Variants in OR51G1 observed in about 807,000 individuals in gnomAD.
OR51G1 encodes olfactory receptor 51G1.
For missense variants in OR51G1, 454 were observed against 396.0 expected (o/e 1.15, Z -1.24); for synonymous variants, 163 against 156.9 (o/e 1.04, Z -0.29).
Position 4,923,703 on chromosome 11 carries a change from A to G in OR51G1, c.637T>C (p.Ser213Pro), listed in dbSNP as rs542202432. 4 of 1,614,066 alleles carry G rather than the reference A, an allele frequency of 2.5e-6. No homozygotes were observed. In the South Asian group the frequency reaches 4.4e-5, roughly 18 times the overall value. Reference sequence around the variant, plus strand: ...GCGTATGAGAGAAAGATGAGCAGGGAGTCCACACCCACGGTGCAGGCCACA... The same window carrying G: ...GCGTATGAGAGAAAGATGAGCAGGGGGTCCACACCCACGGTGCAGGCCACA... ...FVVACTVGVD[S>P]LLIFLSYALI... The change falls in exon 1 of 1, where the codon TCC becomes CCC. Residue 213 changes from serine to proline, a missense_variant. Coordinates refer to ENST00000623849, the MANE Select transcript of OR51G1 (RefSeq NM_001005237.1).
At position 4,924,044 on chromosome 11, in the gene OR51G1, C is replaced by T. The variant is rs1187706046; in HGVS notation, c.296G>A (p.Cys99Tyr). The change falls in exon 1 of 1, where the codon TGT becomes TAT. Residue 99 changes from cysteine (C) to tyrosine (Y), a missense_variant. By Grantham distance (194) the Cys-to-Tyr change is radical. Transcript: ENST00000623849. The stretch of plus-strand genomic sequence containing the variant: ...GTGGATGAAGAAGAGCTGAGTGAAA[C>T]AGGCAGGGATGCCAATCTCTCTGGT... The part of the protein sequence containing the change: ...FDTREIGIPA[C>Y]FTQLFFIHTL... 1 of 1,614,118 alleles carries T rather than the reference C, an allele frequency of 6.2e-7. No individual in the cohort carries two copies. The highest frequency in any genetic ancestry group is 2.2e-5 in the East Asian group (1 of 44,842).
chr11:4,923,509 G>A lies in OR51G1; in HGVS notation c.831C>T (p.Phe277=). The A allele has an allele frequency of 6.2e-7, 1 of 1,614,166 alleles. No homozygotes were observed. Among genetic ancestry groups the A allele is most frequent in the Non-Finnish European group, 8.5e-7 (1 of 1,180,024 alleles). ...GTACCAGCAGATACACATAGGACAT[G>A]AAGAGGTGTACAACGCGGGGCAGAT... is the stretch of plus-strand genomic sequence containing the variant. ...GEHLPRVVHL[F]MSYVYLLVPP... is the part of the protein sequence containing the mutation. Residue 277 remains phenylalanine (F), a synonymous_variant, in exon 1 of 1, where the codon TTC becomes TTT. Coordinates refer to ENST00000623849, the MANE Select transcript of OR51G1 (RefSeq NM_001005237.1).
rs1044305335 is a variant in OR51G1 at position 4,924,262 on chromosome 11, A to G, written c.78T>C (p.His26=). 1 of 1,614,076 alleles carries G rather than the reference A, an allele frequency of 6.2e-7. No homozygotes were observed. Among genetic ancestry groups the G allele is most frequent in the Non-Finnish European group, 8.5e-7 (1 of 1,180,036 alleles). The change falls in exon 1 of 1, where the codon CAT becomes CAC. Residue 26 remains histidine, a synonymous_variant. Coordinates refer to ENST00000623849, the MANE Select transcript of OR51G1 (RefSeq NM_001005237.1). The part of the protein sequence containing the change: ...LTGFQGLEGL[H]GWISIPFCFI... ...AGCAGAAGGGAATAGAGATCCAGCCATGGAGACCTTCTAGACCTTGGAAGC... is the reference window on the plus strand; with the variant it reads ...AGCAGAAGGGAATAGAGATCCAGCCGTGGAGACCTTCTAGACCTTGGAAGC...
chr11:4,923,930 A>G lies in OR51G1; in HGVS notation c.410T>C (p.Val137Ala). The G allele has an allele frequency of 6.2e-7, 1 of 1,614,162 alleles. No individual in the cohort carries two copies. ...AVCNPLHDST[V>A]LTPACIVKMG... ...CTTGACAATACATGCAGGTGTCAGG[A>G]CGGTGGAGTCATGCAGTGGGTTGCA... The change falls in exon 1 of 1, where the codon GTC (valine) becomes GCC (alanine). Residue 137 changes from valine (V) to alanine (A), a missense_variant. Physicochemically the swap from Val to Ala is moderately conservative, Grantham distance 64. Coordinates refer to ENST00000623849, the MANE Select transcript of OR51G1 (RefSeq NM_001005237.1).
Position 4,923,495 on chromosome 11 carries a change from T to C in OR51G1, c.845A>G (p.Tyr282Cys), listed in dbSNP as rs775309472. The C allele has an allele frequency of 2.5e-6, 4 of 1,613,980 alleles. No individual in the cohort carries two copies. Among genetic ancestry groups the C allele is most frequent in the Admixed American group, 3.3e-5 (2 of 60,000 alleles). ...RVVHLFMSYV[Y>C]LLVPPLMNPI... is the part of the protein sequence containing the mutation. ...GTTCATAAGGGGTGGTACCAGCAGA[T>C]ACACATAGGACATGAAGAGGTGTAC... Residue 282 changes from tyrosine to cysteine, a missense_variant, in exon 1 of 1, where the codon TAT becomes TGT. Tyr to Cys is a radical substitution (Grantham distance 194, BLOSUM62 -2). Transcript: ENST00000623849.
In OR51G1 at chr11:4,923,846, A is replaced by G; in HGVS notation, c.494T>C (p.Leu165Pro). 6.2e-7 allele frequency: 1 copy of G among 1,614,054 alleles called. No homozygotes were observed. Among genetic ancestry groups the G allele is most frequent in the Non-Finnish European group, 8.5e-7 (1 of 1,180,020 alleles). Residue 165 changes from leucine to proline, a missense_variant, in exon 1 of 1, where the codon CTG (leucine) becomes CCG (proline). Leu to Pro is a moderately conservative substitution (Grantham distance 98). Transcript: ENST00000623849. ...GGAGTGGCAGTATTGGAAGCGCTTC[A>G]GGAGGAATGGCAAGGGGAGGATGAG... ...ALLILPLPFL[L>P]KRFQYCHSHV...
Position 4,923,401 on chromosome 11 carries a change from C to G in OR51G1, c.939G>C (p.Lys313Asn), listed in dbSNP as rs773528289. 1.9e-6 allele frequency: 3 copies of G among 1,569,054 alleles called. No individual in the cohort carries two copies. In the Admixed American group the frequency reaches 5.4e-5, roughly 28 times the overall value. The change falls in exon 1 of 1, where the codon AAG (lysine) becomes AAC (asparagine). Residue 313 changes from lysine to asparagine, a missense_variant. Lys to Asn is a moderately conservative substitution (Grantham distance 94, BLOSUM62 0). Transcript: ENST00000623849. ...QRIIKKFQFI[K>N]SLRCFWKD ...AATCCTTCCAAAAACACCTAAGTGACTTTATAAACTGAAACTTCTTAATGA... is the reference window on the plus strand; with the variant it reads ...AATCCTTCCAAAAACACCTAAGTGAGTTTATAAACTGAAACTTCTTAATGA...
At position 4,923,989 on chromosome 11, in the gene OR51G1, C is replaced by T. The variant is rs1476370416; in HGVS notation, c.351G>A (p.Leu117=). 6.2e-7 allele frequency: 1 copy of T among 1,614,132 alleles called. No homozygotes were observed. Among genetic ancestry groups the T allele is most frequent in the African/African-American group, 1.3e-5 (1 of 75,030 alleles). Residue 117 remains leucine (L), a synonymous_variant, in exon 1 of 1, where the codon CTG becomes CTA. Transcript: ENST00000623849. ...HTLSSMESSV[L]LSMSIDRYVA... ...CGTAGCGGTCAATGGACATGGATAA[C>T]AGAACTGATGACTCCATTGAAGACA...
In OR51G1 at chr11:4,923,836, G is replaced by C; in HGVS notation, c.504C>G (p.Phe168Leu). The part of the protein sequence containing the change: ...ILPLPFLLKR[F>L]QYCHSHVLAH... ...CCAGCACATGGGAGTGGCAGTATTG[G>C]AAGCGCTTCAGGAGGAATGGCAAGG... The change falls in exon 1 of 1, where the codon TTC (phenylalanine) becomes TTG (leucine). Residue 168 changes from phenylalanine to leucine, a missense_variant. Coordinates refer to ENST00000623849, the MANE Select transcript of OR51G1 (RefSeq NM_001005237.1). 6.2e-7 allele frequency: 1 copy of C among 1,613,970 alleles called. No individual in the cohort carries two copies. Among genetic ancestry groups the C allele is most frequent in the Non-Finnish European group, 8.5e-7 (1 of 1,180,010 alleles).
chr11:4,923,714 A>C lies in OR51G1; in HGVS notation c.626T>G (p.Val209Gly). 1 of 1,614,072 alleles carries C rather than the reference A, an allele frequency of 6.2e-7. No homozygotes were observed. The highest frequency in any genetic ancestry group is 1.1e-5 in the South Asian group (1 of 91,060). Residue 209 changes from valine (V) to glycine (G), a missense_variant, in exon 1 of 1, where the codon GTG becomes GGG. Val to Gly is a moderately radical substitution (Grantham distance 109). Coordinates refer to ENST00000623849, the MANE Select transcript of OR51G1 (RefSeq NM_001005237.1). The part of the protein sequence containing the change: ...IYGLFVVACT[V>G]GVDSLLIFLS... ...AAAGATGAGCAGGGAGTCCACACCC[A>C]CGGTGCAGGCCACAACAAAGAGCCC...
At position 4,923,539 on chromosome 11, in the gene OR51G1, A is replaced by G; in HGVS notation, c.801T>C (p.Gly267=). ...GGTGTACAACGCGGGGCAGATGTTC[A>G]CCAAAGCGATGCACAAGAGACAAGC... ...MIGLSLVHRF[G]EHLPRVVHLF... The change falls in exon 1 of 1, where the codon GGT becomes GGC. Residue 267 remains glycine (G), a synonymous_variant. Transcript: ENST00000623849. 6.2e-7 allele frequency: 1 copy of G among 1,614,152 alleles called. No individual in the cohort carries two copies. Among genetic ancestry groups the G allele is most frequent in the Non-Finnish European group, 8.5e-7 (1 of 1,180,018 alleles).
In OR51G1 at chr11:4,923,938, G is replaced by A; in HGVS notation, c.402C>T (p.Asp134=). The change falls in exon 1 of 1, where the codon GAC becomes GAT. Residue 134 remains aspartate, a synonymous_variant. Transcript: ENST00000623849. ...TACATGCAGGTGTCAGGACGGTGGA[G>A]TCATGCAGTGGGTTGCAGACGGCCA... The part of the protein sequence containing the change: ...RYVAVCNPLH[D]STVLTPACIV... 6.2e-7 allele frequency: 1 copy of A among 1,614,182 alleles called. No homozygotes were observed.
In OR51G1 at chr11:4,924,263, T is replaced by A; in HGVS notation, c.77A>T (p.His26Leu). Reference sequence around the variant, plus strand: ...GCAGAAGGGAATAGAGATCCAGCCATGGAGACCTTCTAGACCTTGGAAGCC... The same window carrying A: ...GCAGAAGGGAATAGAGATCCAGCCAAGGAGACCTTCTAGACCTTGGAAGCC... ...LTGFQGLEGL[H>L]GWISIPFCFI... is the part of the protein sequence containing the mutation. Residue 26 changes from histidine (H) to leucine (L), a missense_variant, in exon 1 of 1, where the codon CAT (histidine) becomes CTT (leucine). Coordinates refer to ENST00000623849, the MANE Select transcript of OR51G1 (RefSeq NM_001005237.1). 6.2e-7 allele frequency: 1 copy of A among 1,614,168 alleles called. No individual in the cohort carries two copies.
At position 4,924,335 on chromosome 11, in the gene OR51G1, G is replaced by T. The variant is rs1318479625; in HGVS notation, c.5C>A (p.Thr2Lys). The change falls in exon 1 of 1, where the codon ACA (threonine) becomes AAA (lysine). Residue 2 changes from threonine (T) to lysine (K), a missense_variant. By Grantham distance (78) the Thr-to-Lys change is moderately conservative (BLOSUM62 -1). Coordinates refer to ENST00000623849, the MANE Select transcript of OR51G1 (RefSeq NM_001005237.1). ...TTGGAGGCTGCTATTAAGAAGAATTGTCATAGCTTTACAATCTTGGACTCA... is the reference window on the plus strand; with the variant it reads ...TTGGAGGCTGCTATTAAGAAGAATTTTCATAGCTTTACAATCTTGGACTCA... M[T>K]ILLNSSLQRA... The T allele has an allele frequency of 6.3e-7, 1 of 1,599,434 alleles. No homozygotes were observed. The highest frequency in any genetic ancestry group is 8.5e-7 in the Non-Finnish European group (1 of 1,174,618).
Position 4,923,468 on chromosome 11 carries a change from G to A in OR51G1, c.872C>T (p.Pro291Leu), listed in dbSNP as rs552022062. Reference sequence around the variant, plus strand: ...CTTGGTCTTGATGCTGTAGATGATGGGGTTCATAAGGGGTGGTACCAGCAG... The same window carrying A: ...CTTGGTCTTGATGCTGTAGATGATGAGGTTCATAAGGGGTGGTACCAGCAG... ...VYLLVPPLMN[P>L]IIYSIKTKQI... is the part of the protein sequence containing the mutation. The change falls in exon 1 of 1, where the codon CCC becomes CTC. Residue 291 changes from proline (P) to leucine (L), a missense_variant. By Grantham distance (98) the Pro-to-Leu change is moderately conservative. Transcript: ENST00000623849. 1.2e-6 allele frequency: 2 copies of A among 1,613,308 alleles called. No individual in the cohort carries two copies. The highest frequency in any genetic ancestry group is 1.3e-5 in the African/African-American group (1 of 75,000).
rs34583466 is a variant in OR51G1, at chr11:4,923,662, G to A, written c.678C>T (p.Thr226=). ...IFLSYALILR[T]VLSIASHQER... ...CCTGGTGGGAGGCAATGCTGAGCAC[G>A]GTGCGAAGGATGAGGGCGTATGAGA... Residue 226 remains threonine (T), a synonymous_variant, in exon 1 of 1, where the codon ACC becomes ACT. Coordinates refer to ENST00000623849, the MANE Select transcript of OR51G1 (RefSeq NM_001005237.1). The A allele has an allele frequency of 1.1e-5, 18 of 1,613,856 alleles. No homozygotes were observed. Among genetic ancestry groups the A allele is most frequent in the South Asian group, 7.7e-5 (7 of 91,064 alleles).
At position 4,924,172 on chromosome 11, in the gene OR51G1, A is replaced by G. The variant is rs1290468858; in HGVS notation, c.168T>C (p.Thr56=). The G allele has an allele frequency of 2.5e-6, 4 of 1,614,168 alleles. No homozygotes were observed. The South Asian group carries it at 4.4e-5, about 18-fold the overall frequency. Residue 56 remains threonine, a synonymous_variant, in exon 1 of 1, where the codon ACT becomes ACC. Coordinates refer to ENST00000623849, the MANE Select transcript of OR51G1 (RefSeq NM_001005237.1). ...AGAAATAGTACATGGGTCCATGGAG[A>G]GTGGCATCAGTACAAATGACGTGGA... ...TILHVICTDA[T]LHGPMYYFLG... is the part of the protein sequence containing the mutation.
At position 4,923,828 on chromosome 11, in the gene OR51G1, C is replaced by G. The variant is rs1199808090; in HGVS notation, c.512G>C (p.Cys171Ser). 54 of 1,613,750 alleles carry G rather than the reference C, an allele frequency of 3.3e-5. No homozygotes were observed. Among genetic ancestry groups the G allele is most frequent in the Non-Finnish European group, 4.4e-5 (52 of 1,180,020 alleles). ...LPFLLKRFQY[C>S]HSHVLAHAYC... ...AGCATGAGCCAGCACATGGGAGTGG[C>G]AGTATTGGAAGCGCTTCAGGAGGAA... Residue 171 changes from cysteine to serine, a missense_variant, in exon 1 of 1, where the codon TGC becomes TCC. Physicochemically the swap from Cys to Ser is moderately radical, Grantham distance 112 (BLOSUM62 -1). Coordinates refer to ENST00000623849, the MANE Select transcript of OR51G1 (RefSeq NM_001005237.1).
At position 4,923,759 on chromosome 11, in the gene OR51G1, A is replaced by T; in HGVS notation, c.581T>A (p.Ile194Asn). Residue 194 changes from isoleucine to asparagine, a missense_variant, in exon 1 of 1, where the codon ATC becomes AAC. Ile to Asn is a moderately radical substitution (Grantham distance 149). Coordinates refer to ENST00000623849, the MANE Select transcript of OR51G1 (RefSeq NM_001005237.1). ...LEIMKLACSSIIVNHIYGLFV... is the reference protein window; with the variant it reads ...LEIMKLACSSNIVNHIYGLFV... ...GAGCCCATAGATGTGATTGACAATG[A>T]TGCTAGAGCAGGCCAGCTTCATGAT... 1 of 1,613,990 alleles carries T rather than the reference A, an allele frequency of 6.2e-7. No individual in the cohort carries two copies. Among genetic ancestry groups the T allele is most frequent in the South Asian group, 1.1e-5 (1 of 91,080 alleles).
Sources: allele counts gnomAD v4.1 joint callset, GRCh38; gene constraint gnomAD v4.1.1; transcripts MANE v1.5; gene names NCBI Gene and HGNC (gene_info 2026-07-23, HGNC 2026-07-21).